The following SLC8A3 variants were observed in gnomAD, a reference collection of about 807,000 sequenced individuals.
The protein encoded by SLC8A3 is solute carrier family 8 member A3.
Under a neutral mutation model 65.4 loss-of-function variants are expected in SLC8A3, and 37 were observed. The ratio of observed to expected loss-of-function variants is 0.57; its 90% CI spans 0.44 to 0.74. The LOEUF is 0.74. SLC8A3 is among the 30% of genes least tolerant of loss of function. The probability of loss-of-function intolerance (pLI) is 0.00; values close to 1 mark genes in which losing one functional copy is unlikely to be tolerated. For synonymous variants in SLC8A3, 461 were observed against 444.5 expected, an observed-to-expected ratio of 1.04 and a Z score of -0.47; for missense variants, 1,112 against 1,172.1, an observed-to-expected ratio of 0.95 and a Z score of 0.75.
chr14:70,158,745 A>AT (rs1240422491), intron 2 of SLC8A3, among the ~76,000 whole-genome samples: 1 of 152,070 alleles, frequency 6.6e-6, no homozygotes, highest in Admixed American at 6.5e-5. Context: ...AGAAAAACAT[A>AT]TTTTTTCCAT....
At chr14:70,186,972 T>C (rs576283007) in intron 1 of SLC8A3, among the ~76,000 whole-genome samples, 1 of 152,134 alleles carries the variant, frequency 6.6e-6, no homozygotes, top group African/African-American at 2.4e-5. Flanking sequence ...CTGTGGAAGA[T>C]TAATCACACG....
At position 70,044,430 on chromosome 14, in the gene SLC8A3, C is replaced by T. The variant is rs1166444562; in HGVS notation, c.*1517G>A. The stretch of plus-strand genomic sequence containing the variant: ...TGTCAATGCAGAAAGCCTAAAGATC[C>T]GTGGGCAGTTTCGTGATGACATCTT... On this transcript the variant is annotated 3_prime_UTR_variant, in exon 7 of 7. Transcript: ENST00000356921. 1.4e-5 allele frequency: 2 copies of T among 138,772 alleles called. No homozygotes were observed. Among genetic ancestry groups the T allele is most frequent in the Admixed American group, 7.4e-5 (1 of 13,494 alleles). 8.6% of individuals were successfully genotyped at this position (138,772 alleles called of 1,614,324 possible).
At chr14:70,101,410 G>T (rs963861710) in intron 2 of SLC8A3, among the ~76,000 whole-genome samples, 2 of 152,098 alleles carry the variant, frequency 1.3e-5, no homozygotes, top group Non-Finnish European at 2.9e-5. Flanking sequence ...GAAAAAACCT[G>T]GTGGTAGAAG....
At chr14:70,088,023 C>T (rs79387659) in intron 2 of SLC8A3, among the ~76,000 whole-genome samples, 1 of 152,020 alleles carries the variant, frequency 6.6e-6, no homozygotes, top group African/African-American at 2.4e-5. Context: ...AGAGTATTCA[C>T]TTGGTAGGTA....
chr14:70,102,288 C>T (rs1030683400), intron 2 of SLC8A3, among the ~76,000 whole-genome samples: 2 of 152,172 alleles, frequency 1.3e-5, no homozygotes, highest in African/African-American at 4.8e-5. Context: ...CTAAAATAGG[C>T]TCACTGTAAC....
chr14:70,099,272 AATGTTTTTTAC>A (rs1892401321), intron 2 of SLC8A3, among the ~76,000 whole-genome samples: 1 of 152,214 alleles, frequency 6.6e-6, no homozygotes. Flanking sequence ...GTAAATTTTA[AATGTTTTTTAC>A]ATTCCAGAAG....
chr14:70,058,633 C>A (rs1409609396), intron 3 of SLC8A3, among the ~76,000 whole-genome samples: 1 of 152,174 alleles, frequency 6.6e-6, no homozygotes, highest in African/African-American at 2.4e-5. Flanking sequence ...TGGGGATTAG[C>A]CAAAGACATT....
At chr14:70,178,963 T>C (rs1295428655) in intron 1 of SLC8A3, among the ~76,000 whole-genome samples, 2 of 152,194 alleles carry the variant, frequency 1.3e-5, no homozygotes, top group Non-Finnish European at 2.9e-5. Context: ...CACCCCCTAC[T>C]GACTTCTCAT....
In SLC8A3 at chr14:70,045,481, A is replaced by G. The variant is rs1278031785; in HGVS notation, c.*466T>C. ...CAACCACAATAATGATTACAATGAA[A>G]AAAGAACCCCACCCCAGCCACATGA... On this transcript the variant is annotated 3_prime_UTR_variant, in exon 7 of 7. Transcript: ENST00000356921. The G allele has an allele frequency of 1.3e-5, 2 of 153,664 alleles. No individual in the cohort carries two copies. Among genetic ancestry groups the G allele is most frequent in the African/African-American group, 4.8e-5 (2 of 41,524 alleles). The allele number at this position is 153,664 out of a possible 1,614,324, so 9.5% of individuals were successfully genotyped here.
At chr14:70,112,546 A>G (rs6573926) in intron 2 of SLC8A3, among the ~76,000 whole-genome samples, 147,843 of 152,262 alleles carry the variant, frequency 0.97, 71,917 homozygotes, top group East Asian at 1. Context: ...AAGAAAATGG[A>G]CTGTAGACGA....
chr14:70,137,886 C>A (rs534496134), intron 2 of SLC8A3, among the ~76,000 whole-genome samples: 2 of 149,274 alleles, frequency 1.3e-5, no homozygotes, highest in East Asian at 2.0e-4. Flanking sequence ...TAGGGGAGAA[C>A]GATGGATGAC....
chr14:70,182,310 C>A (rs1331949189), intron 1 of SLC8A3, among the ~76,000 whole-genome samples: 1 of 152,026 alleles, frequency 6.6e-6, no homozygotes, highest in Non-Finnish European at 1.5e-5. Flanking sequence ...AACAAGACAC[C>A]CAGCTTGGAG....
chr14:70,076,650 A>G (rs1291641984), intron 2 of SLC8A3, among the ~76,000 whole-genome samples: 1 of 152,182 alleles, frequency 6.6e-6, no homozygotes, highest in Non-Finnish European at 1.5e-5. Flanking sequence ...ACTCTTAGGA[A>G]AAGTTCACCT....
chr14:70,055,779 G>C (rs780808358), intron 3 of SLC8A3: 2 of 1,604,730 alleles, frequency 1.2e-6, no homozygotes, highest in East Asian at 4.5e-5. Context: ...AAAAGAGGGG[G>C]ACAAGACACC....
chr14:70,044,640 TGA>T lies in SLC8A3; in HGVS notation c.*1305_*1306del, dbSNP rs1417079173. 6.6e-6 allele frequency: 1 copy of T among 152,094 alleles called. No homozygotes were observed. The highest frequency in any genetic ancestry group is 6.5e-5 in the Admixed American group (1 of 15,270). The allele number at this position is 152,094 out of a possible 1,614,324, so 9.4% of individuals were successfully genotyped here. On this transcript the variant is annotated 3_prime_UTR_variant, in exon 7 of 7. Coordinates refer to ENST00000356921, the MANE Select transcript of SLC8A3 (RefSeq NM_182932.3). ...CCCATAGGCTGGAAAAATAGCTTCA[TGA>T]AGTTTAAGAACAAGCAGGAACATGG...
intron 1 of SLC8A3, among the ~76,000 whole-genome samples, chr14:70,171,754 C>A (rs1469795540): frequency 6.6e-6 from 1 of 152,098 alleles, no homozygotes; most frequent in East Asian, 1.9e-4. Context: ...GAGCCAAGAT[C>A]GCGCCATTGC....
At chr14:70,070,345 T>C (rs1889892559) in intron 2 of SLC8A3, among the ~76,000 whole-genome samples, 1 of 152,238 alleles carries the variant, frequency 6.6e-6, no homozygotes, top group Admixed American at 6.5e-5. Context: ...TCTCATTTAA[T>C]ATTCATAATA....
chr14:70,048,839 A>G lies in SLC8A3; in HGVS notation c.2317T>C (p.Phe773Leu), dbSNP rs1370803627. The G allele has an allele frequency of 1.2e-6, 2 of 1,614,162 alleles. No homozygotes were observed. Among genetic ancestry groups the G allele is most frequent in the Admixed American group, 3.3e-5 (2 of 60,016 alleles). Residue 773 changes from phenylalanine (F) to leucine (L), a missense_variant, in exon 6 of 7, where the codon TTC becomes CTC. Phe to Leu is a conservative substitution (Grantham distance 22). Transcript: ENST00000356921. ...TAIIGDLASHFGCTIGLKDSV... is the reference protein window; with the variant it reads ...TAIIGDLASHLGCTIGLKDSV... ...TCTTTGAGACCAATGGTGCAGCCGA[A>G]GTGCGAGGCCAGGTCCCCAATGATG...
chr14:70,154,779 AT>A (rs1453507893), intron 2 of SLC8A3, among the ~76,000 whole-genome samples: 3 of 152,002 alleles, frequency 2.0e-5, no homozygotes, highest in Non-Finnish European at 2.9e-5. Flanking sequence ...CACTGAAATG[AT>A]TTTTTTCCTT....
Sources: gnomAD v4.1 joint callset for allele counts (sites outside exome capture counted in the v4.1 genomes callset) on GRCh38, gnomAD v4.1.1 for gene constraint, MANE v1.5 for transcripts, NCBI Gene and HGNC (gene_info 2026-07-23, HGNC 2026-07-21) for gene names.